RGL1: variants seen among roughly 807,000 people sequenced by gnomAD.
RGL1 encodes the protein ral guanine nucleotide dissociation stimulator-like 1.
RGL1 carries 24 observed loss-of-function variants against 95.2 expected under a neutral mutation model. The observed-to-expected ratio is 0.25, with a 90% CI of 0.18 to 0.35. The LOEUF is 0.35. Among genes scored for constraint, RGL1 ranks in the 10% least tolerant of loss-of-function variants. The probability of loss-of-function intolerance (pLI) is 1.00; values close to 1 mark genes in which losing one functional copy is unlikely to be tolerated. For missense variants in RGL1, 715 were observed against 936.3 expected (o/e 0.76, Z 3.08); for synonymous variants, 329 against 344.9 (o/e 0.95, Z 0.51).
At chr1:183,694,492 A>G (rs959357090) in intron 1 of RGL1, among the ~76,000 whole-genome samples, 1 of 152,228 alleles carries the variant, frequency 6.6e-6, no homozygotes, top group African/African-American at 2.4e-5. Context: ...ATTAACTGAA[A>G]TTCTTGACAT....
Position 183,866,012 on chromosome 1 carries a change from A to G in RGL1, c.364A>G (p.Ser122Gly), listed in dbSNP as rs1665809012. Residue 122 changes from serine to glycine, a missense_variant, in exon 4 of 18, where the codon AGC becomes GGC. Ser to Gly is a moderately conservative substitution (Grantham distance 56, BLOSUM62 0). Around this residue, in one of 3 missense-constraint regions of RGL1, gnomAD observed 381 missense variants for 484.8 expected, o/e 0.79. Coordinates refer to ENST00000360851, the MANE Select transcript of RGL1 (RefSeq NM_001297671.3). ...LLLDRYGNLTSPNCEEDGSQS... is the reference protein window; with the variant it reads ...LLLDRYGNLTGPNCEEDGSQS... ...TCTCTACAGGTATGGAAACCTGACA[A>G]GCCCAAACTGTGAAGAAGATGGAAG... 1 of 1,613,956 alleles carries G rather than the reference A, an allele frequency of 6.2e-7. No homozygotes were observed. The highest frequency in any genetic ancestry group is 2.2e-5 in the East Asian group (1 of 44,844).
At chr1:183,916,333 TG>T (rs890107961) in intron 15 of RGL1, 113 bp from the exon 16 acceptor site, 1 of 1,254,940 alleles carries the variant, frequency 8.0e-7, no homozygotes, top group Non-Finnish European at 1.1e-6. Flanking sequence ...TGGGCTGTTG[TG>T]GAGGAAATAA....
chr1:183,915,949 A>G (rs527845137), intron 15 of RGL1, among the ~76,000 whole-genome samples: 1 of 152,292 alleles, frequency 6.6e-6, no homozygotes, highest in South Asian at 2.1e-4. Context: ...TTGATGTCCA[A>G]GGCCTTTCTA....
chr1:183,887,064 A>AAT (rs1487692697), intron 7 of RGL1, among the ~76,000 whole-genome samples: 1 of 151,464 alleles, frequency 6.6e-6, no homozygotes, highest in African/African-American at 2.4e-5. Context: ...TGATTTTTAG[A>AAT]ATATAACTTT....
At chr1:183,666,898 T>C (rs1242984288) in intron 1 of RGL1, among the ~76,000 whole-genome samples, 1 of 152,240 alleles carries the variant, frequency 6.6e-6, no homozygotes, top group Non-Finnish European at 1.5e-5. Flanking sequence ...GCTATTTCCT[T>C]ACTGATTTTC....
chr1:183,888,452 G>A lies in RGL1; in HGVS notation c.952-22G>A, dbSNP rs200374610. On this transcript the variant is annotated intron_variant, in intron 7 of 17. Coordinates refer to ENST00000360851, the MANE Select transcript of RGL1 (RefSeq NM_001297671.3). ...ATATTGATAGTTAAATGCCTTTTATGTTTTAATCACTCCCCATGCAGGAAT... is the reference window on the plus strand; with the variant it reads ...ATATTGATAGTTAAATGCCTTTTATATTTTAATCACTCCCCATGCAGGAAT... 97 of 1,435,558 alleles carry A rather than the reference G, an allele frequency of 6.8e-5. No individual in the cohort carries two copies. In the East Asian group the frequency reaches 1.7e-3, roughly 25 times the overall value. The allele number at this position is 1,435,558 out of a possible 1,614,324, so 88.9% of individuals were successfully genotyped here. A position where few individuals can be genotyped will look rare whatever the true frequency, so the allele number is the denominator to read the frequency against.
intron 2 of RGL1, among the ~76,000 whole-genome samples, chr1:183,797,329 A>C (rs1010730445): frequency 1.3e-5 from 2 of 151,706 alleles, no homozygotes; most frequent in African/African-American, 2.4e-5. Flanking sequence ...ACTCCATCTC[A>C]AAAAAAAATT....
chr1:183,896,227 T>A (rs908518161), intron 9 of RGL1, among the ~76,000 whole-genome samples: 3 of 152,162 alleles, frequency 2.0e-5, no homozygotes, highest in Non-Finnish European at 4.4e-5. Context: ...GCTGCTTTCT[T>A]TTTTTTAGAG....
At chr1:183,870,133 G>C (rs1356973963) in intron 4 of RGL1, among the ~76,000 whole-genome samples, 1 of 152,206 alleles carries the variant, frequency 6.6e-6, no homozygotes, top group African/African-American at 2.4e-5. Context: ...GAGTGCCTGG[G>C]TGCAGGCGGG....
chr1:183,773,002 C>A, intron 2 of RGL1, among the ~76,000 whole-genome samples: 1 of 107,960 alleles, frequency 9.3e-6, no homozygotes. Context: ...GGCGACAGAG[C>A]AAGACTCCGT....
intron 2 of RGL1, among the ~76,000 whole-genome samples, chr1:183,828,343 C>T (rs1663017088): frequency 6.6e-6 from 1 of 152,112 alleles, no homozygotes; most frequent in Non-Finnish European, 1.5e-5. Flanking sequence ...CTTCCAGCAC[C>T]CCGTAAGTGG....
At chr1:183,911,689 C>T (rs1668650367) in intron 14 of RGL1, among the ~76,000 whole-genome samples, 1 of 152,206 alleles carries the variant, frequency 6.6e-6, no homozygotes, top group African/African-American at 2.4e-5. Context: ...AAATAGAAGT[C>T]TTCCTCCTTG....
At chr1:183,666,788 G>T (rs1449496498) in intron 1 of RGL1, among the ~76,000 whole-genome samples, 2 of 152,112 alleles carry the variant, frequency 1.3e-5, no homozygotes, top group African/African-American at 4.8e-5. Flanking sequence ...GGCCAATTTG[G>T]TAAGTGTTTC....
intron 2 of RGL1, among the ~76,000 whole-genome samples, chr1:183,779,152 A>C (rs1339857559): frequency 7.0e-6 from 1 of 143,662 alleles, no homozygotes; most frequent in Non-Finnish European, 1.5e-5. Context: ...AAAATTTCAA[A>C]ATTTTCCCTT....
At chr1:183,661,038 T>C (rs1651581716) in intron 1 of RGL1, among the ~76,000 whole-genome samples, 1 of 151,756 alleles carries the variant, frequency 6.6e-6, no homozygotes, top group South Asian at 2.1e-4. Flanking sequence ...TACCAGAATC[T>C]CTGGGACACA....
At chr1:183,701,769 T>C (rs1202249238) in intron 1 of RGL1, among the ~76,000 whole-genome samples, 7 of 151,974 alleles carry the variant, frequency 4.6e-5, no homozygotes, top group Non-Finnish European at 1.0e-4. Flanking sequence ...AAACCCCATC[T>C]CCACTAAAAA....
At chr1:183,640,267 G>A (rs1649836742) in intron 1 of RGL1, among the ~76,000 whole-genome samples, 1 of 152,206 alleles carries the variant, frequency 6.6e-6, no homozygotes, top group African/African-American at 2.4e-5. Context: ...GGCAGGTATT[G>A]TTTTGAGAGC....
intron 1 of RGL1, among the ~76,000 whole-genome samples, chr1:183,730,124 A>G (rs1201695789): frequency 8.5e-5 from 13 of 152,190 alleles, no homozygotes. Context: ...CCTCATTAAA[A>G]TTGTGCTTGT....
intron 1 of RGL1, among the ~76,000 whole-genome samples, chr1:183,676,434 C>T (rs187460082): frequency 3.9e-5 from 6 of 152,034 alleles, no homozygotes; most frequent in Non-Finnish European, 7.4e-5. Flanking sequence ...CTTCCCTACA[C>T]GAAGCATTTC....
Sources: allele counts gnomAD v4.1 joint callset (sites outside exome capture counted in the v4.1 genomes callset), GRCh38; gene constraint gnomAD v4.1.1; regional missense constraint gnomAD v4.1.1; transcripts MANE v1.5; gene names NCBI Gene and HGNC (gene_info 2026-07-23, HGNC 2026-07-21).